Variants in ST6GALNAC3 observed in about 807,000 individuals in gnomAD.
The protein encoded by ST6GALNAC3 is alpha-N-acetylgalactosaminide alpha-2,6-sialyltransferase 3.
ST6GALNAC3 carries 25 observed loss-of-function variants against 32.7 expected under a neutral mutation model. The observed-to-expected ratio is 0.76, with a 90% CI of 0.56 to 1.07. The LOEUF (loss-of-function observed/expected upper bound fraction) is 1.07, where lower values mean the gene tolerates loss of function less well. Ranked by LOEUF, ST6GALNAC3 falls within the 50% of genes least tolerant of loss-of-function variation. ST6GALNAC3 has a pLI of 0.00. For missense variants in ST6GALNAC3, 355 were observed against 382.4 expected (o/e 0.93, Z 0.60); for synonymous variants, 129 against 133.1 (o/e 0.97, Z 0.21).
intron 3 of ST6GALNAC3, among the ~76,000 whole-genome samples, chr1:76,459,252 C>G (rs535220766): frequency 6.6e-6 from 1 of 152,138 alleles, no homozygotes; most frequent in South Asian, 2.1e-4. Flanking sequence ...GCATCATGGC[C>G]CAGTATACAG....
intron 1 of ST6GALNAC3, among the ~76,000 whole-genome samples, chr1:76,216,404 C>T (rs1421801655): frequency 6.6e-6 from 1 of 152,190 alleles, no homozygotes; most frequent in African/African-American, 2.4e-5. Context: ...AGTATAGTGC[C>T]AGGCTTTCAG....
intron 1 of ST6GALNAC3, among the ~76,000 whole-genome samples, chr1:76,209,222 C>T (rs1226307808): frequency 6.6e-6 from 1 of 152,162 alleles, no homozygotes; most frequent in Non-Finnish European, 1.5e-5. Flanking sequence ...TCTGCTTCTA[C>T]CCGGAGTCCA....
rs143725452 is a variant in ST6GALNAC3, at chr1:76,260,518, A to G, written c.19-53287A>G. On this transcript the variant is annotated intron_variant, in intron 1 of 4. Coordinates refer to ENST00000328299, the MANE Select transcript of ST6GALNAC3 (RefSeq NM_152996.4). ...CAACAACAGCCCTATGAGATAGGGT[A>G]TTATTATCATCAGTTTGTAGTTGAG... Among the ~76,000 whole-genome samples the G allele has an allele frequency of 4.2e-3, 634 of 152,302 alleles. 4 individuals carry two copies. Among genetic ancestry groups the G allele is most frequent in the Middle Eastern group, 0.01 (3 of 294 alleles).
chr1:76,324,051 G>T (rs1647021634), intron 2 of ST6GALNAC3, among the ~76,000 whole-genome samples: 1 of 151,606 alleles, frequency 6.6e-6, no homozygotes, highest in Non-Finnish European at 1.5e-5. Context: ...GTAAAGACAT[G>T]GTTTCACCAT....
At chr1:76,278,378 T>C (rs921774244) in intron 1 of ST6GALNAC3, among the ~76,000 whole-genome samples, 16 of 151,968 alleles carry the variant, frequency 1.1e-4, no homozygotes, top group African/African-American at 2.4e-4. Flanking sequence ...CCCGCCACCA[T>C]GCCCAGCTAA....
At chr1:76,190,059 C>T (rs530989240) in intron 1 of ST6GALNAC3, among the ~76,000 whole-genome samples, 1 of 151,504 alleles carries the variant, frequency 6.6e-6, no homozygotes, top group Non-Finnish European at 1.5e-5. Context: ...GAGTTTAACC[C>T]CTCATTTTAA....
At chr1:76,426,551 A>G (rs1655403367) in intron 3 of ST6GALNAC3, among the ~76,000 whole-genome samples, 1 of 149,962 alleles carries the variant, frequency 6.7e-6, no homozygotes, top group South Asian at 2.1e-4. Flanking sequence ...ACAGATATAT[A>G]TATATATATC....
At chr1:76,548,587 A>C (rs1447671361) in intron 3 of ST6GALNAC3, among the ~76,000 whole-genome samples, 2 of 152,136 alleles carry the variant, frequency 1.3e-5, no homozygotes, top group African/African-American at 4.8e-5. Context: ...TTTTTTCAGG[A>C]AGGAGAATAG....
intron 3 of ST6GALNAC3, among the ~76,000 whole-genome samples, chr1:76,525,881 C>T (rs1335478632): frequency 7.2e-6 from 1 of 138,852 alleles, no homozygotes; most frequent in South Asian, 2.4e-4. Context: ...CTCCAAACAC[C>T]AAATTTTTAT....
chr1:76,143,392 CGTGTGTGTGTGTGT>C (rs4034974), intron 1 of ST6GALNAC3, among the ~76,000 whole-genome samples: 46 of 142,442 alleles, frequency 3.2e-4, no homozygotes, highest in Non-Finnish European at 5.2e-4. Flanking sequence ...CTTACCAAGT[CGTGTGTGTGTGTGT>C]GTGTGTGTGT....
At chr1:76,305,986 T>C (rs913552915) in intron 1 of ST6GALNAC3, 1 of 500,784 alleles carries the variant, frequency 2.0e-6, no homozygotes, top group Non-Finnish European at 4.0e-6. Flanking sequence ...CATTCTCATA[T>C]AACTGGTTCA....
At chr1:76,125,391 C>T (rs1649175404) in intron 1 of ST6GALNAC3, among the ~76,000 whole-genome samples, 1 of 152,166 alleles carries the variant, frequency 6.6e-6, no homozygotes, top group South Asian at 2.1e-4. Flanking sequence ...TCACCATCAT[C>T]TGGTCTTTCT....
chr1:76,524,307 C>T (rs1287829797), intron 3 of ST6GALNAC3, among the ~76,000 whole-genome samples: 3 of 152,080 alleles, frequency 2.0e-5, no homozygotes, highest in Admixed American at 2.0e-4. Flanking sequence ...GTGAACATGT[C>T]CCTTCAATAA....
Position 76,463,700 on chromosome 1 carries a change from G to T in ST6GALNAC3, c.623+51283G>T, listed in dbSNP as rs560542057. Among the ~76,000 whole-genome samples, 6 of 152,218 alleles carry T rather than the reference G, an allele frequency of 3.9e-5. 1 individual carries two copies. The South Asian group carries it at 8.3e-4, about 21-fold the overall frequency. ...AGGAGCTTTCCTACCGCAGGGTTTG[G>T]ATTCATCTTGCTTGGGTCTACGGGT... On this transcript the variant is annotated intron_variant, in intron 3 of 4. Transcript: ENST00000328299.
chr1:76,608,374 C>T (rs1008660108), intron 3 of ST6GALNAC3, among the ~76,000 whole-genome samples: 3 of 152,152 alleles, frequency 2.0e-5, no homozygotes, highest in Admixed American at 6.5e-5. Flanking sequence ...AAACAACACT[C>T]ATGAAATTTG....
chr1:76,118,715 A>G (rs1648652467), intron 1 of ST6GALNAC3, among the ~76,000 whole-genome samples: 1 of 152,208 alleles, frequency 6.6e-6, no homozygotes, highest in Non-Finnish European at 1.5e-5. Flanking sequence ...AAATGCTTAT[A>G]TACTCCTTAT....
At chr1:76,625,876 G>A (rs185286505) in intron 3 of ST6GALNAC3, among the ~76,000 whole-genome samples, 73 of 151,988 alleles carry the variant, frequency 4.8e-4, no homozygotes, top group African/African-American at 1.6e-3. Context: ...CAGAAGATGC[G>A]AAGGAATGGC....
At chr1:76,177,823 AATC>A (rs1226783440) in intron 1 of ST6GALNAC3, among the ~76,000 whole-genome samples, 7 of 152,174 alleles carry the variant, frequency 4.6e-5, no homozygotes, top group African/African-American at 7.2e-5. Flanking sequence ...GGGCTTTGGT[AATC>A]ATTTCTAGCC....
chr1:76,444,274 C>T (rs1162619349), intron 3 of ST6GALNAC3, among the ~76,000 whole-genome samples: 2 of 152,174 alleles, frequency 1.3e-5, no homozygotes, highest in Admixed American at 6.5e-5. Flanking sequence ...TCTCAATTTT[C>T]TGAGGCTGGA....
Sources: gnomAD v4.1 joint callset for allele counts (sites outside exome capture counted in the v4.1 genomes callset) on GRCh38, gnomAD v4.1.1 for gene constraint, MANE v1.5 for transcripts, NCBI Gene and HGNC (gene_info 2026-07-23, HGNC 2026-07-21) for gene names.